The following RAB6B variants were observed in gnomAD, a reference collection of about 807,000 sequenced individuals.
The protein encoded by RAB6B is ras-related protein Rab-6B.
Under a neutral mutation model 31.2 loss-of-function variants are expected in RAB6B, and 7 were observed. The ratio of observed to expected loss-of-function variants is 0.22; its 90% CI spans 0.13 to 0.42. The LOEUF (loss-of-function observed/expected upper bound fraction) is 0.42, where lower values mean the gene tolerates loss of function less well. Ranked by LOEUF, RAB6B falls within the 10% of genes least tolerant of loss-of-function variation. RAB6B has a pLI of 1.00. For synonymous variants in RAB6B, 105 were observed against 104.9 expected, an observed-to-expected ratio of 1.00 and a Z score of -0.01; for missense variants, 149 against 280.6, an observed-to-expected ratio of 0.53 and a Z score of 3.35.
At chr3:133,854,300 T>C (rs1428060621) in intron 2 of RAB6B, among the ~76,000 whole-genome samples, 1 of 152,238 alleles carries the variant, frequency 6.6e-6, no homozygotes, top group Non-Finnish European at 1.5e-5. Context: ...AAAGCATTCT[T>C]TCTCTGAACT....
intron 1 of RAB6B, among the ~76,000 whole-genome samples, chr3:133,877,836 T>C (rs1286665914): frequency 6.7e-6 from 1 of 149,774 alleles, no homozygotes; most frequent in Non-Finnish European, 1.5e-5. Flanking sequence ...TAACATATAG[T>C]ATAATATGTT....
At position 133,824,973 on chromosome 3, in the gene RAB6B, T is replaced by C. The variant is rs941068725; in HGVS notation, c.*3815A>G. Reference sequence around the variant, plus strand: ...CCTTCTCCATCCTGGTTTTCCTGCCTGTAGACAGGAAAAGTTGTGACAGCT... The same window carrying C: ...CCTTCTCCATCCTGGTTTTCCTGCCCGTAGACAGGAAAAGTTGTGACAGCT... On this transcript the variant is annotated 3_prime_UTR_variant, in exon 8 of 8. Coordinates refer to ENST00000285208, the MANE Select transcript of RAB6B (RefSeq NM_016577.4). 2 of 152,162 alleles carry C rather than the reference T, an allele frequency of 1.3e-5. No individual in the cohort carries two copies. The highest frequency in any genetic ancestry group is 4.8e-5 in the African/African-American group (2 of 41,436). The allele number at this position is 152,162 out of a possible 1,614,324, so 9.4% of individuals were successfully genotyped here. A position where few individuals can be genotyped will look rare whatever the true frequency, so the allele number is the denominator to read the frequency against.
intron 2 of RAB6B, among the ~76,000 whole-genome samples, chr3:133,857,610 G>C (rs117640271): frequency 1.3e-5 from 2 of 152,080 alleles, no homozygotes; most frequent in African/African-American, 4.8e-5. Flanking sequence ...CTCTGCCTCC[G>C]TTCTACATTC....
At position 133,826,373 on chromosome 3, in the gene RAB6B, G is replaced by GTT. The variant is rs554624195; in HGVS notation, c.*2413_*2414dup. ...TGTGTGCCCCTGAGAAGGGAACTGAGTTTCTACTGTTTTATGGGATGTTTT... is the reference window on the plus strand; with the variant it reads ...TGTGTGCCCCTGAGAAGGGAACTGAGTTTTTCTACTGTTTTATGGGATGTTTT... On this transcript the variant is annotated 3_prime_UTR_variant, in exon 8 of 8. Transcript: ENST00000285208. 75 of 152,386 alleles carry GTT rather than the reference G, an allele frequency of 4.9e-4. 1 individual carries two copies. The highest frequency in any genetic ancestry group is 1.7e-3 in the African/African-American group (72 of 41,592). 9.4% of individuals were successfully genotyped at this position (152,386 alleles called of 1,614,324 possible).
intron 7 of RAB6B, among the ~76,000 whole-genome samples, chr3:133,831,625 T>C (rs1444475619): frequency 1.3e-5 from 2 of 152,144 alleles, no homozygotes; most frequent in Admixed American, 6.5e-5. Flanking sequence ...TGCCCGCTGA[T>C]TGAGAGGACA....
chr3:133,887,510 A>G (rs1282972616), intron 1 of RAB6B, among the ~76,000 whole-genome samples: 5 of 152,298 alleles, frequency 3.3e-5, no homozygotes, highest in South Asian at 4.1e-4. Context: ...CACCAGCAGC[A>G]TGCTTGTCTC....
chr3:133,884,658 G>A (rs1347974446), intron 1 of RAB6B, among the ~76,000 whole-genome samples: 1 of 152,220 alleles, frequency 6.6e-6, no homozygotes, highest in East Asian at 1.9e-4. Flanking sequence ...GGGCTAGGGG[G>A]CCTCATATAA....
intron 1 of RAB6B, chr3:133,894,702 G>A (rs1019054336): frequency 1.3e-5 from 2 of 152,216 alleles, no homozygotes; most frequent in Non-Finnish European, 2.9e-5. Context: ...CAGATCCCTG[G>A]GCAGCAAGGA....
chr3:133,832,913 G>T (rs1342475839), intron 7 of RAB6B, among the ~76,000 whole-genome samples: 1 of 152,108 alleles, frequency 6.6e-6, no homozygotes, highest in Admixed American at 6.5e-5. Flanking sequence ...CTGTCACCCT[G>T]CACTCAGCCC....
intron 2 of RAB6B, among the ~76,000 whole-genome samples, chr3:133,852,220 T>C (rs1220576863): frequency 6.6e-6 from 1 of 152,220 alleles, no homozygotes; most frequent in Non-Finnish European, 1.5e-5. Flanking sequence ...GTCTCAGACT[T>C]GTGCCAAATC....
chr3:133,857,047 G>A (rs941383350), intron 2 of RAB6B, among the ~76,000 whole-genome samples: 2 of 152,166 alleles, frequency 1.3e-5, no homozygotes, highest in Non-Finnish European at 2.9e-5. Flanking sequence ...GAGCTGCAAA[G>A]CACAGCACAA....
At chr3:133,855,852 G>T (rs1432056970) in intron 2 of RAB6B, among the ~76,000 whole-genome samples, 1 of 152,164 alleles carries the variant, frequency 6.6e-6, no homozygotes, top group Non-Finnish European at 1.5e-5. Context: ...GACTACTTTA[G>T]ACTGTAAAAG....
rs1935601825 is a variant in RAB6B, at chr3:133,828,148, C to T, written c.*640G>A. 4 of 605,696 alleles carry T rather than the reference C, an allele frequency of 6.6e-6. No individual in the cohort carries two copies. Among genetic ancestry groups the T allele is most frequent in the South Asian group, 2.0e-5 (1 of 51,254 alleles). 37.5% of individuals were successfully genotyped at this position (605,696 alleles called of 1,614,324 possible). A position where few individuals can be genotyped will look rare whatever the true frequency, so the allele number is the denominator to read the frequency against. On this transcript the variant is annotated 3_prime_UTR_variant, in exon 8 of 8. Transcript: ENST00000285208. Reference sequence around the variant, plus strand: ...GCCGGGCTGCCTAGAGCCCACAGACCTTGGTCTCAGCTCCACACGAGGTTG... The same window carrying T: ...GCCGGGCTGCCTAGAGCCCACAGACTTTGGTCTCAGCTCCACACGAGGTTG...
intron 2 of RAB6B, among the ~76,000 whole-genome samples, chr3:133,855,788 G>T (rs11915225): frequency 0.016 from 2,480 of 152,280 alleles, 60 homozygotes; most frequent in African/African-American, 0.055. Flanking sequence ...AATGTATCAG[G>T]AGCTACTGGT....
chr3:133,866,774 A>C (rs1327198950), intron 1 of RAB6B, among the ~76,000 whole-genome samples: 1 of 151,918 alleles, frequency 6.6e-6, no homozygotes, highest in African/African-American at 2.4e-5. Flanking sequence ...CTGAACTAGC[A>C]AGAGGCAGAT....
chr3:133,858,430 C>T (rs954739501), intron 2 of RAB6B, among the ~76,000 whole-genome samples: 8 of 152,204 alleles, frequency 5.3e-5, no homozygotes, highest in Non-Finnish European at 1.0e-4. Flanking sequence ...GCTTCAACTA[C>T]AGTCATCTCC....
At chr3:133,868,328 C>A (rs1278473740) in intron 1 of RAB6B, among the ~76,000 whole-genome samples, 3 of 152,236 alleles carry the variant, frequency 2.0e-5, no homozygotes, top group African/African-American at 7.2e-5. Flanking sequence ...TCCCGAGCCA[C>A]CTGACCAGGC....
chr3:133,859,307 G>A (rs1398367833), intron 2 of RAB6B, among the ~76,000 whole-genome samples: 1 of 152,190 alleles, frequency 6.6e-6, no homozygotes, highest in Non-Finnish European at 1.5e-5. Flanking sequence ...CGTAGCTCAT[G>A]TAGGTCTTAA....
intron 2 of RAB6B, among the ~76,000 whole-genome samples, chr3:133,858,111 C>T (rs1242866053): frequency 1.3e-5 from 2 of 152,166 alleles, no homozygotes; most frequent in African/African-American, 4.8e-5. Flanking sequence ...CGCACCCTTC[C>T]TACCCAGGGA....
Sources: allele counts gnomAD v4.1 joint callset (sites outside exome capture counted in the v4.1 genomes callset), GRCh38; gene constraint gnomAD v4.1.1; transcripts MANE v1.5; gene names NCBI Gene and HGNC (gene_info 2026-07-23, HGNC 2026-07-21).